Variants in POLR3E observed in about 807,000 individuals in gnomAD.
POLR3E encodes the protein DNA-directed RNA polymerase III subunit RPC5.
In POLR3E, 41 loss-of-function variants were observed where a neutral mutation model predicts 96.6. The ratio of observed to expected loss-of-function variants is 0.42; its 90% CI spans 0.33 to 0.55. The LOEUF (loss-of-function observed/expected upper bound fraction) is 0.55. POLR3E is among the 20% of genes least tolerant of loss of function. The pLI is 0.06. For synonymous variants in POLR3E, 396 were observed against 383.6 expected (o/e 1.03, Z -0.38); for missense variants, 849 against 952.1 (o/e 0.89, Z 1.43).
chr16:22,308,451 G>A (rs539524703), intron 4 of POLR3E: 93 of 554,322 alleles, frequency 1.7e-4, no homozygotes, highest in South Asian at 8.5e-4. Flanking sequence ...GGGGCCAGAT[G>A]TGAGCTTAGG....
At position 22,302,933 on chromosome 16, in the gene POLR3E, C is replaced by A. The variant is rs372714723; in HGVS notation, c.-36C>A. On this transcript the variant is annotated splice_region_variant and 5_prime_UTR_variant, in exon 2 of 21. Coordinates refer to ENST00000299853, the MANE Select transcript of POLR3E (RefSeq NM_018119.4). Reference sequence around the variant, plus strand: ...CAGTCTCTCGCCCTCCTTTGCAGATCGAGCTGAAGGACTGCGCGGCTGGCT... The same window carrying A: ...CAGTCTCTCGCCCTCCTTTGCAGATAGAGCTGAAGGACTGCGCGGCTGGCT... 19 of 1,604,422 alleles carry A rather than the reference C, an allele frequency of 1.2e-5. No individual in the cohort carries two copies. The highest frequency in any genetic ancestry group is 1.5e-5 in the Non-Finnish European group (17 of 1,171,296).
At chr16:22,328,633 T>G in intron 19 of POLR3E, 46 bp downstream of exon 19, 25 of 1,530,272 alleles carry the variant, frequency 1.6e-5, no homozygotes, top group Non-Finnish European at 2.2e-5. Context: ...CAGGGGGGTT[T>G]CCTGCAGCGT....
intron 13 of POLR3E, among the ~76,000 whole-genome samples, chr16:22,321,872 G>A (rs1405806359): frequency 1.3e-5 from 2 of 152,182 alleles, no homozygotes; most frequent in African/African-American, 4.8e-5. Flanking sequence ...CCTGGGTGAG[G>A]GTCCTGTGTG....
intron 13 of POLR3E, among the ~76,000 whole-genome samples, chr16:22,320,550 C>T (rs190704567): frequency 1.4e-4 from 22 of 152,246 alleles, no homozygotes; most frequent in Non-Finnish European, 2.2e-4. Context: ...CGTGAGCTAC[C>T]GTGCCCGGCC....
At chr16:22,309,536 T>A in intron 6 of POLR3E, 26 bp downstream of exon 6, 1 of 1,260,606 alleles carries the variant, frequency 7.9e-7, no homozygotes, top group Middle Eastern at 1.9e-4. Flanking sequence ...TGTCCCGCGG[T>A]GGGGACATGG....
At chr16:22,299,128 G>C (rs1483727162) in intron 1 of POLR3E, 1 of 447,548 alleles carries the variant, frequency 2.2e-6, no homozygotes, top group Non-Finnish European at 4.5e-6. Flanking sequence ...TTAAAATAGG[G>C]TGGTCAGGGA....
chr16:22,323,499 C>T (rs1476668350), intron 14 of POLR3E, among the ~76,000 whole-genome samples: 1 of 152,124 alleles, frequency 6.6e-6, no homozygotes, highest in South Asian at 2.1e-4. Flanking sequence ...TTGGTGCTGG[C>T]TGAAACGTGC....
rs1280175918 is a variant in POLR3E, at chr16:22,325,469, C to G, written c.1348+203C>G. On this transcript the variant is annotated intron_variant, in intron 17 of 20. Transcript: ENST00000299853. ...GCAGAGCCTCAGGGACGGAGGCTTG[C>G]GGATTCCAGGGCTGAGTCTGGGTTC... The G allele has an allele frequency of 1.3e-5, 8 of 617,220 alleles. No homozygotes were observed. In the Admixed American group the frequency reaches 2.3e-4, roughly 18 times the overall value. The allele number at this position is 617,220 out of a possible 1,614,324, so 38.2% of individuals were successfully genotyped here. A position where few individuals can be genotyped will look rare whatever the true frequency, so the allele number is the denominator to read the frequency against.
At chr16:22,305,052 T>G in intron 2 of POLR3E, 104 bp from the exon 3 acceptor site, 1 of 869,034 alleles carries the variant, frequency 1.2e-6, no homozygotes, top group East Asian at 2.4e-5. Context: ...CCAAACTGCT[T>G]CCCTGAGCCA....
Position 22,302,972 on chromosome 16 carries a change from G to A in POLR3E, c.4G>A (p.Ala2Thr). 6.2e-7 allele frequency: 1 copy of A among 1,613,984 alleles called. No homozygotes were observed. The highest frequency in any genetic ancestry group is 8.5e-7 in the Non-Finnish European group (1 of 1,179,878). Residue 2 changes from alanine to threonine, a missense_variant, in exon 2 of 21, where the codon GCC (alanine) becomes ACC (threonine). Coordinates refer to ENST00000299853, the MANE Select transcript of POLR3E (RefSeq NM_018119.4). ...GCGCGGCTGGCTCTCCTCTAGTATG[G>A]CCAATGAAGAGGATGACCCAGTTGT... Reference protein sequence around the residue: MANEEDDPVVQE... With the variant: MTNEEDDPVVQE...
intron 10 of POLR3E, 140 bp downstream of exon 10, chr16:22,316,826 G>A (rs2048365555): frequency 2.1e-6 from 2 of 968,492 alleles, no homozygotes; most frequent in Admixed American, 1.9e-5. Flanking sequence ...AAGGCCAGGA[G>A]GGTGGGCCTG....
Position 22,302,973 on chromosome 16 carries a change from C to T in POLR3E, c.5C>T (p.Ala2Val). 1 of 1,613,934 alleles carries T rather than the reference C, an allele frequency of 6.2e-7. No homozygotes were observed. The highest frequency in any genetic ancestry group is 2.2e-5 in the East Asian group (1 of 44,884). The change falls in exon 2 of 21, where the codon GCC (alanine) becomes GTC (valine). Residue 2 changes from alanine (A) to valine (V), a missense_variant. Coordinates refer to ENST00000299853, the MANE Select transcript of POLR3E (RefSeq NM_018119.4). ...CGCGGCTGGCTCTCCTCTAGTATGGCCAATGAAGAGGATGACCCAGTTGTA... is the reference window on the plus strand; with the variant it reads ...CGCGGCTGGCTCTCCTCTAGTATGGTCAATGAAGAGGATGACCCAGTTGTA... The part of the protein sequence containing the change: M[A>V]NEEDDPVVQE...
chr16:22,327,546 G>T (rs979722229), intron 18 of POLR3E: 1 of 152,272 alleles, frequency 6.6e-6, no homozygotes, highest in Admixed American at 6.5e-5. Flanking sequence ...TTGGGGTGGG[G>T]CCAGCGTCTC....
At chr16:22,308,600 G>A in intron 4 of POLR3E, 1 of 437,330 alleles carries the variant, frequency 2.3e-6, no homozygotes, top group Non-Finnish European at 4.1e-6. Context: ...TGCCAGTTCT[G>A]CTGGCTTTTC....
intron 3 of POLR3E, among the ~76,000 whole-genome samples, chr16:22,306,268 G>A (rs77583144): frequency 0.021 from 3,166 of 152,026 alleles, 98 homozygotes; most frequent in East Asian, 0.1. Flanking sequence ...TTTTTTGTTT[G>A]TTTGTTTTGA....
chr16:22,305,641 GA>G (rs2048118908), intron 3 of POLR3E: 1 of 368,746 alleles, frequency 2.7e-6, no homozygotes. Flanking sequence ...TGGTGCCAGT[GA>G]TGATGGCCGC....
intron 10 of POLR3E, 53 bp downstream of exon 10, chr16:22,316,739 G>A: frequency 6.9e-7 from 1 of 1,439,346 alleles, no homozygotes. Flanking sequence ...GGGTCCCCAG[G>A]GGTCCTTGGT....
Position 22,328,562 on chromosome 16 carries a change from G to C in POLR3E, c.1919G>C (p.Trp640Ser). 1.9e-6 allele frequency: 3 copies of C among 1,614,054 alleles called. No individual in the cohort carries two copies. Among genetic ancestry groups the C allele is most frequent in the Non-Finnish European group, 2.5e-6 (3 of 1,179,962 alleles). The change falls in exon 19 of 21, where the codon TGG (tryptophan) becomes TCG (serine). Residue 640 changes from tryptophan (W) to serine (S), a missense_variant. Physicochemically the swap from Trp to Ser is radical, Grantham distance 177 (BLOSUM62 -3). Transcript: ENST00000299853. Reference protein sequence around the residue: ...SPDEQKVFALWESGDMSDQHR... With the variant: ...SPDEQKVFALSESGDMSDQHR... ...GATGAGCAGAAGGTGTTTGCCCTCT[G>C]GGAGTCTGGAGACATGAGTGATCAG...
In POLR3E at chr16:22,326,184, G is replaced by T; in HGVS notation, c.1772G>T (p.Ser591Ile). 1 of 1,614,036 alleles carries T rather than the reference G, an allele frequency of 6.2e-7. No homozygotes were observed. Among genetic ancestry groups the T allele is most frequent in the Non-Finnish European group, 8.5e-7 (1 of 1,180,032 alleles). ...CGCCTCTTCAATCTGCACTTGGCCAGCCTGCCCCCCGGCCACACACTCTTC... is the reference window on the plus strand; with the variant it reads ...CGCCTCTTCAATCTGCACTTGGCCATCCTGCCCCCCGGCCACACACTCTTC... ...LKRLFNLHLA[S>I]LPPGHTLFSG... The change falls in exon 18 of 21, where the codon AGC becomes ATC. Residue 591 changes from serine (S) to isoleucine (I), a missense_variant. By Grantham distance (142) the Ser-to-Ile change is moderately radical (BLOSUM62 -2). Transcript: ENST00000299853.
Sources: gnomAD v4.1 joint callset for allele counts (sites outside exome capture counted in the v4.1 genomes callset) on GRCh38, gnomAD v4.1.1 for gene constraint, MANE v1.5 for transcripts, NCBI Gene and HGNC (gene_info 2026-07-23, HGNC 2026-07-21) for gene names.